The following MMRN1 variants were observed in gnomAD, a reference collection of about 807,000 sequenced individuals.
MMRN1 encodes the protein multimerin-1.
MMRN1 carries 94 observed loss-of-function variants against 100.7 expected under a neutral mutation model. The ratio of observed to expected loss-of-function variants is 0.93; its 90% CI spans 0.79 to 1.11. The LOEUF (loss-of-function observed/expected upper bound fraction) is 1.11. Among genes scored for constraint, MMRN1 ranks in the 50% least tolerant of loss-of-function variants. The pLI is 0.00. For missense variants in MMRN1, 1,606 were observed against 1,439.1 expected, an observed-to-expected ratio of 1.12 and a Z score of -1.88; for synonymous variants, 575 against 505.0, an observed-to-expected ratio of 1.14 and a Z score of -1.86.
At chr4:89,933,022 C>G (rs1722491422) in intron 5 of MMRN1, among the ~76,000 whole-genome samples, 1 of 152,088 alleles carries the variant, frequency 6.6e-6, no homozygotes, top group South Asian at 2.1e-4. Context: ...AGCTCCAATT[C>G]CAAGCCATAT....
At chr4:89,906,250 T>C (rs561843047) in intron 1 of MMRN1, among the ~76,000 whole-genome samples, 1 of 151,712 alleles carries the variant, frequency 6.6e-6, no homozygotes, top group African/African-American at 2.4e-5. Context: ...CCACAAGTCT[T>C]TGAGTTTTAT....
At chr4:89,925,701 G>A (rs1722234557) in intron 4 of MMRN1, among the ~76,000 whole-genome samples, 1 of 151,884 alleles carries the variant, frequency 6.6e-6, no homozygotes, top group Non-Finnish European at 1.5e-5. Context: ...GTGGTGGCAT[G>A]CACCTGTAGT....
upstream of MMRN1, among the ~76,000 whole-genome samples, chr4:89,894,346 G>A (rs1039887292): frequency 6.6e-6 from 1 of 152,086 alleles, no homozygotes; most frequent in Non-Finnish European, 1.5e-5. Context: ...AAAATAGAAA[G>A]ATATACATGT....
chr4:89,921,168 T>C (rs1274982575), intron 3 of MMRN1, among the ~76,000 whole-genome samples: 4 of 151,730 alleles, frequency 2.6e-5, no homozygotes, highest in South Asian at 2.1e-4. Flanking sequence ...TCTTTTTTTT[T>C]CCTATGATCT....
chr4:89,882,039 T>G (rs1254926606), intron 1 of MMRN1, among the ~76,000 whole-genome samples: 4 of 152,002 alleles, frequency 2.6e-5, no homozygotes, highest in Admixed American at 1.3e-4. Flanking sequence ...TCAGAAAGAT[T>G]ACGTTAGTAT....
rs544382952 is a variant in MMRN1, at chr4:89,907,438, T to G, written c.624-1838T>G. Among the ~76,000 whole-genome samples the G allele has an allele frequency of 3.3e-5, 5 of 151,638 alleles. No homozygotes were observed. In the South Asian group the frequency reaches 1.0e-3, roughly 31 times the overall value. On this transcript the variant is annotated intron_variant, in intron 1 of 7. Coordinates refer to ENST00000264790, the MANE Select transcript of MMRN1 (RefSeq NM_007351.3). ...CTTTTTATGTGTTGTTTTCTGGAAT[T>G]TGTGTATGATGTACTTAAGTGAGGT...
Position 89,923,178 on chromosome 4 carries a change from G to T in MMRN1, c.861G>T (p.Gln287His). 6.2e-7 allele frequency: 1 copy of T among 1,613,778 alleles called. No homozygotes were observed. Among genetic ancestry groups the T allele is most frequent in the Non-Finnish European group, 8.5e-7 (1 of 1,179,754 alleles). Residue 287 changes from glutamine (Q) to histidine (H), a missense_variant, in exon 4 of 8, where the codon CAG (glutamine) becomes CAT (histidine). Physicochemically the swap from Gln to His is conservative, Grantham distance 24. Coordinates refer to ENST00000264790, the MANE Select transcript of MMRN1 (RefSeq NM_007351.3). ...TCTGCTTCCTTCTAGCCCAGGAACAGCAAAGTTTGATACACACCAACCAGG... is the reference window on the plus strand; with the variant it reads ...TCTGCTTCCTTCTAGCCCAGGAACATCAAAGTTTGATACACACCAACCAGG... ...GPKCQLRAQE[Q>H]QSLIHTNQAE...
upstream of MMRN1, among the ~76,000 whole-genome samples, chr4:89,891,950 G>C (rs1012566446): frequency 1.3e-5 from 2 of 151,834 alleles, no homozygotes; most frequent in African/African-American, 4.8e-5. Context: ...ATAGTACACA[G>C]CACCATCTAC....
In MMRN1 at chr4:89,881,601, T is replaced by G. The variant is rs1385662753; in HGVS notation, c.-249+1999T>G. On this transcript the variant is annotated intron_variant, in intron 1 of 8. Coordinates refer to the MMRN1 transcript ENST00000394980. Reference sequence around the variant, plus strand: ...TTAAAGAATATTATTTAATATTCATTAAAGCCGTTTTGTGTTTGTCAAAGG... The same window carrying G: ...TTAAAGAATATTATTTAATATTCATGAAAGCCGTTTTGTGTTTGTCAAAGG... Among the ~76,000 whole-genome samples, 4 of 152,176 alleles carry G rather than the reference T, an allele frequency of 2.6e-5. No individual in the cohort carries two copies. In the East Asian group the frequency reaches 7.7e-4, roughly 29 times the overall value.
chr4:89,951,774 T>C, intron 7 of MMRN1, 23 bp downstream of exon 7: 6 of 1,606,648 alleles, frequency 3.7e-6, no homozygotes, highest in Non-Finnish European at 3.4e-6. Flanking sequence ...TATACGCATC[T>C]TTGGATTTGC....
chr4:89,927,502 A>C (rs1334557728), intron 4 of MMRN1, among the ~76,000 whole-genome samples: 1 of 152,026 alleles, frequency 6.6e-6, no homozygotes, highest in Non-Finnish European at 1.5e-5. Context: ...ATCTATTCTA[A>C]TAGTTTTTTG....
intron 1 of MMRN1, among the ~76,000 whole-genome samples, chr4:89,888,442 T>G (rs1363926562): frequency 1.3e-5 from 2 of 149,852 alleles, no homozygotes; most frequent in East Asian, 1.9e-4. Flanking sequence ...TGATATGGCG[T>G]GTTTTTTTTT....
intron 5 of MMRN1, among the ~76,000 whole-genome samples, chr4:89,933,172 G>A (rs752227963): frequency 4.6e-5 from 7 of 152,142 alleles, no homozygotes; most frequent in Non-Finnish European, 7.4e-5. Flanking sequence ...CTAGGGCGGG[G>A]CAAAATGCCA....
Position 89,936,422 on chromosome 4 carries a change from A to C in MMRN1, c.2742A>C (p.Ser914=). 6.2e-7 allele frequency: 1 copy of C among 1,609,460 alleles called. No homozygotes were observed. Among genetic ancestry groups the C allele is most frequent in the African/African-American group, 1.3e-5 (1 of 74,746 alleles). The change falls in exon 6 of 8, where the codon TCA becomes TCC. Residue 914 remains serine, a synonymous_variant. Transcript: ENST00000264790. ...TGGAAGCAAAATCTATCCATCTTTC[A>C]ATTAACTTCTTTTCGCTTAACAAAA... ...KALEAKSIHL[S]INFFSLNKTL...
rs1267093480 is a variant in MMRN1 at position 89,953,034 on chromosome 4, G to A, written c.3303G>A (p.Val1101=). ...GATCTTACAGATATGCACCCATGGT[G>A]GCATTTTTTGCATCTCATACGTATG... is the stretch of plus-strand genomic sequence containing the variant. ...SKGSYRYAPM[V]AFFASHTYGM... Residue 1101 remains valine, a synonymous_variant, in exon 8 of 8, where the codon GTG becomes GTA. Coordinates refer to ENST00000264790, the MANE Select transcript of MMRN1 (RefSeq NM_007351.3). 1 of 1,611,544 alleles carries A rather than the reference G, an allele frequency of 6.2e-7. No homozygotes were observed. Among genetic ancestry groups the A allele is most frequent in the African/African-American group, 1.3e-5 (1 of 74,798 alleles).
chr4:89,950,554 T>G (rs1024076167), intron 6 of MMRN1, among the ~76,000 whole-genome samples: 7 of 152,172 alleles, frequency 4.6e-5, no homozygotes, highest in Non-Finnish European at 8.8e-5. Flanking sequence ...AATAATGTTA[T>G]TATTGCTAAA....
At position 89,943,604 on chromosome 4, in the gene MMRN1, G is replaced by T. The variant is rs1372929685; in HGVS notation, c.3118+6806G>T. On this transcript the variant is annotated intron_variant, in intron 6 of 7. Transcript: ENST00000264790. The stretch of plus-strand genomic sequence containing the variant: ...ATAATGATTCTTAATTTTCCAACTT[G>T]ATTCAACAAATATTACGTAAGTCCT... 2.0e-5 allele frequency among the ~76,000 whole-genome samples: 3 copies of T among 152,266 alleles called. No homozygotes were observed. The East Asian group carries it at 5.8e-4, about 29-fold the overall frequency.
chr4:89,939,123 C>T (rs186097912), intron 6 of MMRN1, among the ~76,000 whole-genome samples: 10 of 152,172 alleles, frequency 6.6e-5, no homozygotes, highest in African/African-American at 2.2e-4. Context: ...AGAACAATTG[C>T]AGAATAAACT....
chr4:89,931,889 C>A (rs1722451019), intron 5 of MMRN1, among the ~76,000 whole-genome samples: 1 of 152,084 alleles, frequency 6.6e-6, no homozygotes, highest in African/African-American at 2.4e-5. Context: ...CATATTATTT[C>A]ACCCCGGCCC....
Sources: allele counts gnomAD v4.1 joint callset (sites outside exome capture counted in the v4.1 genomes callset), GRCh38; gene constraint gnomAD v4.1.1; transcripts MANE v1.5; gene names NCBI Gene and HGNC (gene_info 2026-07-23, HGNC 2026-07-21).